The following PARN variants were observed in gnomAD, a reference collection of about 807,000 sequenced individuals.
PARN encodes the protein poly(A)-specific ribonuclease PARN.
PARN carries 71 observed loss-of-function variants against 102.8 expected under a neutral mutation model. That is an observed-to-expected ratio of 0.69 (90% CI 0.57 to 0.84). PARN has a LOEUF of 0.84. PARN is among the 40% of genes least tolerant of loss of function. The pLI, the probability that PARN is intolerant of heterozygous loss-of-function variation, is 0.00. For missense variants in PARN, 782 were observed against 760.9 expected (o/e 1.03, Z -0.33); for synonymous variants, 261 against 252.9 (o/e 1.03, Z -0.30).
intron 21 of PARN, among the ~76,000 whole-genome samples, chr16:14,505,833 CACAA>C (rs1964867242): frequency 1.3e-5 from 2 of 152,210 alleles, no homozygotes; most frequent in Admixed American, 1.3e-4. Context: ...GACATCCTTG[CACAA>C]AGAGGTCACA....
chr16:14,580,872 A>T lies in PARN; in HGVS notation c.1262+2T>A. The T allele has an allele frequency of 1.9e-6, 3 of 1,582,744 alleles. No homozygotes were observed. The highest frequency in any genetic ancestry group is 2.6e-6 in the Non-Finnish European group (3 of 1,151,738). The stretch of plus-strand genomic sequence containing the variant: ...GGAAACTGGAACTCTCTGATTACTT[A>T]CTTGTTAAAAAAAGGTTCAATGAGT... On this transcript the variant is annotated splice_donor_variant, in intron 18 of 23. Transcript: ENST00000437198. LOFTEE classifies it high-confidence loss of function.
intron 6 of PARN, 25 bp from the exon 7 acceptor site, chr16:14,610,834 C>T (rs765544820): frequency 2.0e-6 from 3 of 1,519,658 alleles, no homozygotes; most frequent in African/African-American, 1.4e-5. Flanking sequence ...AAAAAGAATG[C>T]ATTAGCAGAA....
intron 21 of PARN, among the ~76,000 whole-genome samples, chr16:14,489,134 A>G (rs1028669095): frequency 6.6e-6 from 1 of 152,178 alleles, no homozygotes; most frequent in African/African-American, 2.4e-5. Context: ...GGGAGAACAA[A>G]AAATAGCAAG....
chr16:14,613,052 G>T (rs1368509553), intron 6 of PARN, among the ~76,000 whole-genome samples: 1 of 151,932 alleles, frequency 6.6e-6, no homozygotes, highest in Non-Finnish European at 1.5e-5. Context: ...GCTCACGCCT[G>T]TAATCCCAGA....
chr16:14,598,295 C>T (rs759094066), intron 12 of PARN, among the ~76,000 whole-genome samples: 80 of 152,146 alleles, frequency 5.3e-4, no homozygotes, highest in Non-Finnish European at 8.4e-4. Flanking sequence ...TGACTACCAA[C>T]GGTCAGCAAC....
chr16:14,442,632 C>T (rs1002287548), intron 23 of PARN, among the ~76,000 whole-genome samples: 3 of 142,584 alleles, frequency 2.1e-5, no homozygotes, highest in Admixed American at 6.9e-5. Context: ...TTTCTTGAGA[C>T]GGAGTCTTGG....
intron 21 of PARN, among the ~76,000 whole-genome samples, chr16:14,539,743 A>G (rs1319260553): frequency 6.6e-6 from 1 of 152,246 alleles, no homozygotes; most frequent in East Asian, 1.9e-4. Flanking sequence ...GTATTTTATA[A>G]GCCACTGTTG....
intron 21 of PARN, among the ~76,000 whole-genome samples, chr16:14,513,403 A>G (rs1163230527): frequency 1.3e-5 from 2 of 152,214 alleles, no homozygotes; most frequent in South Asian, 2.1e-4. Context: ...GGATTCTACC[A>G]GTAATGATTA....
intron 21 of PARN, among the ~76,000 whole-genome samples, chr16:14,503,894 G>A (rs926048512): frequency 3.9e-5 from 6 of 152,192 alleles, no homozygotes; most frequent in Non-Finnish European, 8.8e-5. Flanking sequence ...GCAAGGAGCT[G>A]ATGTCAAGGA....
intron 21 of PARN, among the ~76,000 whole-genome samples, chr16:14,497,254 C>T (rs373461862): frequency 2.8e-4 from 43 of 152,254 alleles, no homozygotes; most frequent in African/African-American, 8.2e-4. Flanking sequence ...CACAACACAG[C>T]TCATTGACAC....
chr16:14,468,037 G>C (rs557147126), intron 22 of PARN, among the ~76,000 whole-genome samples: 1 of 152,254 alleles, frequency 6.6e-6, no homozygotes, highest in South Asian at 2.1e-4. Context: ...CTTCTTACAA[G>C]AGTCCCAAAG....
chr16:14,499,699 C>T (rs1276503687), intron 21 of PARN, among the ~76,000 whole-genome samples: 6 of 151,812 alleles, frequency 4.0e-5, no homozygotes, highest in Non-Finnish European at 8.8e-5. Context: ...AAAGTCAAGC[C>T]AAAAGAGAGA....
intron 21 of PARN, among the ~76,000 whole-genome samples, chr16:14,533,463 G>A (rs961269899): frequency 1.1e-5 from 1 of 94,538 alleles, no homozygotes; most frequent in Non-Finnish European, 2.1e-5. Flanking sequence ...GAGAGGGAGA[G>A]GGAGAGGGAG....
chr16:14,551,525 C>G (rs1266856152), intron 21 of PARN, among the ~76,000 whole-genome samples: 1 of 152,006 alleles, frequency 6.6e-6, no homozygotes, highest in African/African-American at 2.4e-5. Flanking sequence ...GCCGACATTG[C>G]GCCACTGCAC....
At chr16:14,505,306 G>A (rs1258663449) in intron 21 of PARN, among the ~76,000 whole-genome samples, 8 of 152,170 alleles carry the variant, frequency 5.3e-5, no homozygotes, top group Admixed American at 3.3e-4. Context: ...GCTTTGGTTC[G>A]GCAACATAGG....
intron 5 of PARN, 88 bp from the exon 6 acceptor site, chr16:14,617,738 C>CA (rs1972017878): frequency 1.2e-6 from 1 of 809,634 alleles, no homozygotes; most frequent in Non-Finnish European, 2.2e-6. Flanking sequence ...AACAAGAAAA[C>CA]AAAGACAATA....
chr16:14,526,846 T>C (rs1966038740), intron 21 of PARN, among the ~76,000 whole-genome samples: 1 of 152,180 alleles, frequency 6.6e-6, no homozygotes. Flanking sequence ...AGCCCATTTT[T>C]GTGGCATTTC....
intron 11 of PARN, among the ~76,000 whole-genome samples, chr16:14,600,319 T>C (rs1408921198): frequency 6.6e-6 from 1 of 152,194 alleles, no homozygotes; most frequent in East Asian, 1.9e-4. Context: ...CAGTAACACA[T>C]TCAATTCTGA....
At chr16:14,495,312 T>A (rs1964258040) in intron 21 of PARN, among the ~76,000 whole-genome samples, 1 of 151,556 alleles carries the variant, frequency 6.6e-6, no homozygotes. Context: ...CACATACCCC[T>A]CAATGTCCAC....
Sources: gnomAD v4.1 joint callset for allele counts (sites outside exome capture counted in the v4.1 genomes callset) on GRCh38, gnomAD v4.1.1 for gene constraint, MANE v1.5 for transcripts, NCBI Gene and HGNC (gene_info 2026-07-23, HGNC 2026-07-21) for gene names.